The following TSNARE1 variants were observed in gnomAD, a reference collection of about 807,000 sequenced individuals.
TSNARE1 encodes t-SNARE domain-containing protein 1.
Under a neutral mutation model 62.0 loss-of-function variants are expected in TSNARE1, and 49 were observed. That is an observed-to-expected ratio of 0.79 (90% confidence interval 0.63 to 1.00). TSNARE1 has a LOEUF of 1.00. TSNARE1 is among the 50% of genes least tolerant of loss of function. The pLI, the probability that TSNARE1 is intolerant of heterozygous loss-of-function variation, is 0.00. For missense variants in TSNARE1, 755 were observed against 700.1 expected (o/e 1.08, Z -0.88); for synonymous variants, 328 against 294.4 (o/e 1.11, Z -1.17).
chr8:142,295,593 A>T (rs1296809145), intron 10 of TSNARE1, among the ~76,000 whole-genome samples: 1 of 152,250 alleles, frequency 6.6e-6, no homozygotes, highest in African/African-American at 2.4e-5. Context: ...GGCCCCCGTC[A>T]CTGGCAGCCC....
intron 10 of TSNARE1, among the ~76,000 whole-genome samples, chr8:142,292,965 C>T (rs1824053399): frequency 6.6e-6 from 1 of 152,170 alleles, no homozygotes; most frequent in Admixed American, 6.5e-5. Flanking sequence ...ACACTCAGCA[C>T]ATAGAAAGTG....
chr8:142,362,364 C>A (rs1358829217), intron 1 of TSNARE1, among the ~76,000 whole-genome samples: 1 of 152,218 alleles, frequency 6.6e-6, no homozygotes, highest in Non-Finnish European at 1.5e-5. Context: ...GGTCACCTCC[C>A]TGCCCTGGAC....
intron 9 of TSNARE1, among the ~76,000 whole-genome samples, chr8:142,307,916 T>C (rs1023664207): frequency 4.6e-5 from 7 of 152,142 alleles, no homozygotes; most frequent in African/African-American, 1.4e-4. Context: ...TTTGCTCTAG[T>C]TATTTGTGTG....
rs555806144 is a variant in TSNARE1, at chr8:142,279,322, C to G, written c.1364-4459G>C. ...GGGGCCAAACAGGCCTCCGGCCACA[C>G]GACACCAGGCGGGAACGGCAGAGGC... is the stretch of plus-strand genomic sequence containing the variant. On this transcript the variant is annotated intron_variant, in intron 11 of 13. Coordinates refer to ENST00000524325, the MANE Select transcript of TSNARE1 (RefSeq NM_145003.5). 5.3e-5 allele frequency among the ~76,000 whole-genome samples: 8 copies of G among 152,344 alleles called. No individual in the cohort carries two copies. In the East Asian group the frequency reaches 1.6e-3, roughly 30 times the overall value.
At chr8:142,404,699 C>G (rs984879614), upstream of TSNARE1, 1 of 152,282 alleles carries the variant, frequency 6.6e-6, no homozygotes, top group African/African-American at 2.4e-5. Flanking sequence ...GGAGGATGCC[C>G]ATGACTGCTG....
chr8:142,333,279 G>A (rs989366927), intron 4 of TSNARE1, among the ~76,000 whole-genome samples: 2 of 152,188 alleles, frequency 1.3e-5, no homozygotes, highest in Non-Finnish European at 1.5e-5. Flanking sequence ...ACGGGGGGCC[G>A]AGCTCGCTCC....
intron 12 of TSNARE1, among the ~76,000 whole-genome samples, chr8:142,261,316 GGATGGAGGAGA>G (rs2130399611): frequency 7.5e-6 from 1 of 132,890 alleles, no homozygotes; most frequent in Admixed American, 7.4e-5. Context: ...GAGGAAGGAG[GGATGGAGGAGA>G]GAGGGAGGAG....
intron 12 of TSNARE1, among the ~76,000 whole-genome samples, chr8:142,256,198 ACCACCACTGTCACCATCACCATCAC>A (rs2130349460): frequency 7.3e-6 from 1 of 137,066 alleles, no homozygotes; most frequent in African/African-American, 2.8e-5. Flanking sequence ...CATCATCACC[ACCACCACTGTCACCATCACCATCAC>A]TATCACCACC....
intron 12 of TSNARE1, among the ~76,000 whole-genome samples, chr8:142,247,328 G>A (rs1817929293): frequency 6.6e-6 from 1 of 152,224 alleles, no homozygotes; most frequent in Admixed American, 6.5e-5. Flanking sequence ...GGTGGGACAT[G>A]GAGTCAAAGA....
intron 6 of TSNARE1, among the ~76,000 whole-genome samples, chr8:142,329,186 T>C (rs1486857165): frequency 2.6e-5 from 4 of 152,200 alleles, no homozygotes; most frequent in Non-Finnish European, 2.9e-5. Flanking sequence ...AGATAAGCCA[T>C]GCCAAGCAGG....
At chr8:142,267,548 T>C (rs1819199298) in intron 12 of TSNARE1, among the ~76,000 whole-genome samples, 1 of 152,208 alleles carries the variant, frequency 6.6e-6, no homozygotes, top group Non-Finnish European at 1.5e-5. Context: ...GACATGACCC[T>C]GCAGCTTCAA....
chr8:142,229,678 G>C, intron 12 of TSNARE1, 99 bp from the exon 13 acceptor site: 1 of 1,022,524 alleles, frequency 9.8e-7, no homozygotes, highest in Non-Finnish European at 1.5e-6. Flanking sequence ...GGCATGCAGG[G>C]GCTGAGTCCA....
intron 12 of TSNARE1, among the ~76,000 whole-genome samples, chr8:142,258,069 C>A (rs1818674645): frequency 1.3e-5 from 2 of 152,128 alleles, no homozygotes; most frequent in Non-Finnish European, 2.9e-5. Flanking sequence ...ACACACAAAA[C>A]CTATGCTCAT....
At chr8:142,226,607 C>G (rs1816786760) in intron 13 of TSNARE1, among the ~76,000 whole-genome samples, 1 of 152,152 alleles carries the variant, frequency 6.6e-6, no homozygotes, top group Non-Finnish European at 1.5e-5. Flanking sequence ...CTGCTCAGCC[C>G]CACTCCTCTG....
At chr8:142,251,514 G>A (rs1272324405) in intron 12 of TSNARE1, among the ~76,000 whole-genome samples, 2 of 152,150 alleles carry the variant, frequency 1.3e-5, no homozygotes, top group Non-Finnish European at 2.9e-5. Context: ...CAGTTAGGGT[G>A]CGGCAGGCTC....
chr8:142,249,587 G>A (rs1818055202), intron 12 of TSNARE1, among the ~76,000 whole-genome samples: 1 of 152,234 alleles, frequency 6.6e-6, no homozygotes, highest in African/African-American at 2.4e-5. Context: ...CACGCAGTGG[G>A]TTGCATAATT....
At chr8:142,275,173 G>C in intron 11 of TSNARE1, 1 of 985,406 alleles carries the variant, frequency 1.0e-6, no homozygotes, top group Non-Finnish European at 1.2e-6. Flanking sequence ...TGAGGGCTGG[G>C]GTCAAGTCCT....
At chr8:142,274,406 T>A (rs1820079805) in intron 12 of TSNARE1, 1 of 985,196 alleles carries the variant, frequency 1.0e-6, no homozygotes. Context: ...AACCACAAAG[T>A]CCCCTCTGCA....
At chr8:142,296,913 C>A (rs1824854202) in intron 10 of TSNARE1, among the ~76,000 whole-genome samples, 1 of 152,134 alleles carries the variant, frequency 6.6e-6, no homozygotes, top group Non-Finnish European at 1.5e-5. Flanking sequence ...TCTCCACTGT[C>A]TCCCGTGGGT....
Sources: gnomAD v4.1 joint callset for allele counts (sites outside exome capture counted in the v4.1 genomes callset) on GRCh38, gnomAD v4.1.1 for gene constraint, MANE v1.5 for transcripts, NCBI Gene and HGNC (gene_info 2026-07-23, HGNC 2026-07-21) for gene names.